KIFC1: variants seen among roughly 807,000 people sequenced by gnomAD.
The protein encoded by KIFC1 is kinesin-like protein KIFC1.
In KIFC1, 37 loss-of-function variants were observed where a neutral mutation model predicts 66.6. The ratio of observed to expected loss-of-function variants is 0.56; its 90% CI spans 0.43 to 0.73. KIFC1 has a LOEUF of 0.73. KIFC1 is among the 30% of genes least tolerant of loss of function. The pLI is 0.00. For synonymous variants in KIFC1, 325 were observed against 343.5 expected (o/e 0.95, Z 0.60); for missense variants, 721 against 859.8 (o/e 0.84, Z 2.02).
At chr6:33,399,675 C>T (rs976604096) in intron 3 of KIFC1, among the ~76,000 whole-genome samples, 1 of 152,102 alleles carries the variant, frequency 6.6e-6, no homozygotes, top group African/African-American at 2.4e-5. Flanking sequence ...CATACCTAAA[C>T]ATAGAAAAGG....
chr6:33,395,281 G>A (rs895991031), intron 1 of KIFC1, among the ~76,000 whole-genome samples: 4 of 152,160 alleles, frequency 2.6e-5, no homozygotes, highest in Non-Finnish European at 5.9e-5. Flanking sequence ...TTTTAGTTTC[G>A]AAGAAATAAT....
Position 33,403,926 on chromosome 6 carries a change from C to G in KIFC1, c.553C>G (p.Arg185Gly). The G allele has an allele frequency of 6.2e-7, 1 of 1,614,218 alleles. No homozygotes were observed. Among genetic ancestry groups the G allele is most frequent in the South Asian group, 1.1e-5 (1 of 91,084 alleles). Residue 185 changes from arginine to glycine, a missense_variant, in exon 6 of 11, where the codon CGC becomes GGC. Physicochemically the swap from Arg to Gly is moderately radical, Grantham distance 125 (BLOSUM62 -2). Transcript: ENST00000428849. The surrounding 1 kb of genome is among the most constrained non-coding windows in gnomAD (Gnocchi z 4.6). ...GCAGGTCAAGGCCCTGGGGACAGAGCGCACAACACTGGAGGGGCATTTAGC... is the reference window on the plus strand; with the variant it reads ...GCAGGTCAAGGCCCTGGGGACAGAGGGCACAACACTGGAGGGGCATTTAGC... ...QQQVKALGTE[R>G]TTLEGHLAKV...
At chr6:33,393,850 G>A (rs1469330728) in intron 1 of KIFC1, among the ~76,000 whole-genome samples, 3 of 151,026 alleles carry the variant, frequency 2.0e-5, no homozygotes, top group Non-Finnish European at 2.9e-5. Flanking sequence ...GGGTTCAGGC[G>A]ATTCTCCTGC....
rs1376257688 is a variant in KIFC1, at chr6:33,404,098, G to A, written c.725G>A (p.Arg242Lys). 6 of 1,613,464 alleles carry A rather than the reference G, an allele frequency of 3.7e-6. No individual in the cohort carries two copies. Among genetic ancestry groups the A allele is most frequent in the Non-Finnish European group, 5.1e-6 (6 of 1,179,676 alleles). The change falls in exon 6 of 11, where the codon AGG becomes AAG. Residue 242 changes from arginine to lysine, a missense_variant. Arg to Lys is a conservative substitution (Grantham distance 26, BLOSUM62 2). Transcript: ENST00000428849. This position sits in a 1 kb window ranked among gnomAD's most constrained non-coding sequence, Gnocchi z 4.0. ...KKQVELQEER[R>K]GLMSQLEEKE... ...CAGGTGGAATTGCAGGAAGAACGGA[G>A]GGGACTGATGTCCCAACTAGAGGAG...
In KIFC1 at chr6:33,405,602, C is replaced by T. The variant is rs1373156098; in HGVS notation, c.1507C>T (p.Arg503Ter). ...GSEELTVTNA[R>*]YVPVSCEKEV... ...TGAGGAGCTCACTGTCACCAATGCT[C>T]GATATGTCCCTGTCTCCTGTGAGAA... The change falls in exon 7 of 11, where the codon CGA becomes TGA. Residue 503 changes from arginine (R) to a stop codon, truncating the protein, a stop_gained. Transcript: ENST00000428849. LOFTEE classifies it high-confidence loss of function. This position sits in a 1 kb window ranked among gnomAD's most constrained non-coding sequence, Gnocchi z 5.4. 2 of 1,535,298 alleles carry T rather than the reference C, an allele frequency of 1.3e-6. No individual in the cohort carries two copies. Among genetic ancestry groups the T allele is most frequent in the Non-Finnish European group, 1.7e-6 (2 of 1,144,464 alleles).
Position 33,398,122 on chromosome 6 carries a change from A to G in KIFC1, c.106A>G (p.Lys36Glu). Reference sequence around the variant, plus strand: ...GCTGCCTCTCTCAGGAAGCAGACTCAAGAGGAGGCCTGACCAGATGGAAGA... The same window carrying G: ...GCTGCCTCTCTCAGGAAGCAGACTCGAGAGGAGGCCTGACCAGATGGAAGA... The part of the protein sequence containing the change: ...SQLPLSGSRL[K>E]RRPDQMEDGL... Residue 36 changes from lysine (K) to glutamate (E), a missense_variant, in exon 2 of 11, where the codon AAG becomes GAG. Transcript: ENST00000428849. 6.2e-7 allele frequency: 1 copy of G among 1,614,150 alleles called. No individual in the cohort carries two copies. Among genetic ancestry groups the G allele is most frequent in the Non-Finnish European group, 8.5e-7 (1 of 1,180,022 alleles).
rs527631823 is a variant in KIFC1 at position 33,401,953 on chromosome 6, C to T, written c.251-1361C>T. On this transcript the variant is annotated intron_variant, in intron 3 of 10. Transcript: ENST00000428849. This position sits in a 1 kb window ranked among gnomAD's most constrained non-coding sequence, Gnocchi z 4.5. ...ATCTCCTGACCCCTTGATCTGCCCA[C>T]CTCGGCCTCCCAAAGTGCTGGGATT... Among the ~76,000 whole-genome samples the T allele has an allele frequency of 6.6e-6, 1 of 152,196 alleles. No homozygotes were observed. Among genetic ancestry groups the T allele is most frequent in the Non-Finnish European group, 1.5e-5 (1 of 68,038 alleles).
chr6:33,404,115 C>G lies in KIFC1; in HGVS notation c.742C>G (p.Leu248Val). The G allele has an allele frequency of 6.2e-7, 1 of 1,609,992 alleles. No individual in the cohort carries two copies. Among genetic ancestry groups the G allele is most frequent in the Non-Finnish European group, 8.5e-7 (1 of 1,177,528 alleles). ...AGAACGGAGGGGACTGATGTCCCAA[C>G]TAGAGGAGAAGGAGGTAAGGGCCAG... The part of the protein sequence containing the change: ...QEERRGLMSQ[L>V]EEKERRLQTS... Residue 248 changes from leucine (L) to valine (V), a missense_variant, in exon 6 of 11, where the codon CTA becomes GTA. Coordinates refer to ENST00000428849, the MANE Select transcript of KIFC1 (RefSeq NM_002263.4). This position sits in a 1 kb window ranked among gnomAD's most constrained non-coding sequence, Gnocchi z 4.0.
intron 1 of KIFC1, among the ~76,000 whole-genome samples, chr6:33,396,441 T>C (rs11754867): frequency 4.5e-4 from 54 of 119,466 alleles, no homozygotes; most frequent in Non-Finnish European, 7.1e-4. Context: ...CTTTTCTTTT[T>C]TTTTTTTTTT....
rs1174323257 is a variant in KIFC1 at position 33,400,780 on chromosome 6, G to A, written c.250+2393G>A. On this transcript the variant is annotated intron_variant, in intron 3 of 10. Coordinates refer to ENST00000428849, the MANE Select transcript of KIFC1 (RefSeq NM_002263.4). The surrounding 1 kb of genome is among the most constrained non-coding windows in gnomAD (Gnocchi z 4.3). ...TCCTGCCTCAGCCTTCCGCGTAGCT[G>A]GGACTACAGGCGCCCTCCACCACAC... Among the ~76,000 whole-genome samples the A allele has an allele frequency of 6.6e-6, 1 of 152,102 alleles. No individual in the cohort carries two copies. The highest frequency in any genetic ancestry group is 1.5e-5 in the Non-Finnish European group (1 of 68,016).
Position 33,404,692 on chromosome 6 carries a change from A to T in KIFC1, c.757-160A>T, listed in dbSNP as rs999060323. ...ACATACCCATAGCACTCCCTGTCTT[A>T]GTACCATGATTCCTTATTTTCTCAT... On this transcript the variant is annotated intron_variant, in intron 6 of 10. Coordinates refer to ENST00000428849, the MANE Select transcript of KIFC1 (RefSeq NM_002263.4). The surrounding 1 kb of genome is among the most constrained non-coding windows in gnomAD (Gnocchi z 4.0). Among the ~76,000 whole-genome samples the T allele has an allele frequency of 6.6e-6, 1 of 152,066 alleles. No homozygotes were observed. The highest frequency in any genetic ancestry group is 1.5e-5 in the Non-Finnish European group (1 of 68,026).
At chr6:33,392,120 G>C in intron 1 of KIFC1, 123 bp downstream of exon 1, 13 of 1,098,918 alleles carry the variant, frequency 1.2e-5, no homozygotes, top group Non-Finnish European at 1.6e-5. Context: ...GCGAAGGTCC[G>C]TGCGCCCCCG....
At chr6:33,409,587 G>C (rs1183017615) in intron 10 of KIFC1, 59 bp from the exon 11 acceptor site, 11 of 1,537,348 alleles carry the variant, frequency 7.2e-6, no homozygotes, top group African/African-American at 1.4e-5. Context: ...GAGATCTTGG[G>C]AAAAATGTTG....
In KIFC1 at chr6:33,398,328, C is replaced by T. The variant is rs1775198528; in HGVS notation, c.191C>T (p.Thr64Ile). The change falls in exon 3 of 11, where the codon ACA becomes ATA. Residue 64 changes from threonine to isoleucine, a missense_variant. Transcript: ENST00000428849. ...CTGGGTGCAACGACCAAAATTACCA[C>T]ATCCCACCCAAGAGTTCCATCCCTC... ...RGLGATTKIT[T>I]SHPRVPSLTT... 1.2e-6 allele frequency: 2 copies of T among 1,614,144 alleles called. No homozygotes were observed. The highest frequency in any genetic ancestry group is 2.2e-5 in the South Asian group (2 of 91,078).
In KIFC1 at chr6:33,398,074, CCT is replaced by C. The variant is rs1487067321; in HGVS notation, c.61_62del (p.Leu21AspfsTer2). The C allele has an allele frequency of 6.2e-7, 1 of 1,613,994 alleles. No individual in the cohort carries two copies. Among genetic ancestry groups the C allele is most frequent in the Non-Finnish European group, 8.5e-7 (1 of 1,179,942 alleles). ...EVKGNIELKR[P>X]LIKAPSQLPL... is the part of the protein sequence containing the mutation. ...AAAGGGGAACATAGAACTGAAGAGA[CCT>C]CTGATTAAGGCCCCTTCCCAGCTGC... On this transcript the variant is annotated frameshift_variant, in exon 2 of 11. Coordinates refer to ENST00000428849, the MANE Select transcript of KIFC1 (RefSeq NM_002263.4). LOFTEE classifies it high-confidence loss of function.
chr6:33,392,032 G>A, intron 1 of KIFC1, 35 bp downstream of exon 1: 1 of 1,611,842 alleles, frequency 6.2e-7, no homozygotes, highest in Non-Finnish European at 8.5e-7. Context: ...CTGCCCTGGG[G>A]ATGGGGACGA....
In KIFC1 at chr6:33,403,670, G is replaced by A. The variant is rs1165648037; in HGVS notation, c.356-59G>A. 5.0e-6 allele frequency: 8 copies of A among 1,593,586 alleles called. No individual in the cohort carries two copies. The highest frequency in any genetic ancestry group is 6.9e-6 in the Non-Finnish European group (8 of 1,164,136). ...GTGTGGATCCCATAAAGGCTAGAAG[G>A]GAGGAGGGATAGAGAGCCTAGACTT... On this transcript the variant is annotated intron_variant, in intron 5 of 10. Transcript: ENST00000428849. This position sits in a 1 kb window ranked among gnomAD's most constrained non-coding sequence, Gnocchi z 4.6.
At chr6:33,409,616 C>T in intron 10 of KIFC1, 30 bp from the exon 11 acceptor site, 1 of 1,611,306 alleles carries the variant, frequency 6.2e-7, no homozygotes, top group Non-Finnish European at 8.5e-7. Context: ...ACGCTGCAAA[C>T]TTTTATCCTG....
rs1775325064 is a variant in KIFC1, at chr6:33,400,638, C to T, written c.250+2251C>T. 4.5e-5 allele frequency: 32 copies of T among 707,012 alleles called. No homozygotes were observed. The South Asian group carries it at 5.5e-4, about 12-fold the overall frequency. 43.8% of individuals were successfully genotyped at this position (707,012 alleles called of 1,614,324 possible). On this transcript the variant is annotated intron_variant, in intron 3 of 10. Coordinates refer to ENST00000428849, the MANE Select transcript of KIFC1 (RefSeq NM_002263.4). The surrounding 1 kb of genome is among the most constrained non-coding windows in gnomAD (Gnocchi z 4.3). ...ACCTTGGCCTCCTCCGAGCCGAAAG[C>T]CGAGAGCTTCTCTCTCTTTTTTTTT...
Sources: gnomAD v4.1 joint callset for allele counts (sites outside exome capture counted in the v4.1 genomes callset) on GRCh38, gnomAD v4.1.1 for gene constraint, Gnocchi (gnomAD v3.1) non-coding constraint, MANE v1.5 for transcripts, NCBI Gene and HGNC (gene_info 2026-07-23, HGNC 2026-07-21) for gene names.